RPS6KA2: variants seen among roughly 807,000 people sequenced by gnomAD.
The protein encoded by RPS6KA2 is ribosomal protein S6 kinase A2, also known as ribosomal protein S6 kinase alpha-2.
RPS6KA2 carries 42 observed loss-of-function variants against 91.8 expected under a neutral mutation model. The observed-to-expected ratio is 0.46, with a 90% CI of 0.36 to 0.59. The LOEUF is 0.59. RPS6KA2 is among the 20% of genes least tolerant of loss of function. The pLI is 0.00. For missense variants in RPS6KA2, 798 were observed against 978.5 expected (o/e 0.82, Z 2.46); for synonymous variants, 414 against 393.6 (o/e 1.05, Z -0.61).
intron 2 of RPS6KA2, among the ~76,000 whole-genome samples, chr6:166,792,545 CA>C (rs1210414675): frequency 1.3e-5 from 2 of 151,492 alleles, no homozygotes; most frequent in Non-Finnish European, 2.9e-5. Context: ...GGCAGAGACA[CA>C]ACAAAAAAAG....
chr6:166,787,975 CAAAAAA>C (rs3066794), intron 2 of RPS6KA2, among the ~76,000 whole-genome samples: 2 of 78,930 alleles, frequency 2.5e-5, no homozygotes, highest in Admixed American at 1.4e-4. Flanking sequence ...AACAAATTTA[CAAAAAA>C]AAAAAAAAAA....
At chr6:166,650,060 T>G (rs774223138) in intron 2 of RPS6KA2, among the ~76,000 whole-genome samples, 4 of 151,600 alleles carry the variant, frequency 2.6e-5, no homozygotes, top group Non-Finnish European at 5.9e-5. Context: ...GGGGTGACAT[T>G]AGGCTCTCAT....
intron 2 of RPS6KA2, among the ~76,000 whole-genome samples, chr6:166,854,629 T>C (rs1780838010): frequency 6.6e-6 from 1 of 152,228 alleles, no homozygotes; most frequent in African/African-American, 2.4e-5. Flanking sequence ...ATGTTCAGAC[T>C]GGCAAGAGGC....
rs1287667963 is a variant in RPS6KA2 at position 166,841,349 on chromosome 6, T to G, written c.123+16851A>C. 2.6e-5 allele frequency among the ~76,000 whole-genome samples: 4 copies of G among 152,262 alleles called. No homozygotes were observed. In the East Asian group the frequency reaches 7.7e-4, roughly 29 times the overall value. On this transcript the variant is annotated intron_variant, in intron 2 of 21. Transcript: ENST00000503859. The stretch of plus-strand genomic sequence containing the variant: ...TAAGAGTCAAGGCCATGTCTGCAGC[T>G]TCAGCGCTGACGCGTGCTTCTTGCC...
At chr6:166,507,424 AC>A (rs1342010086) in intron 5 of RPS6KA2, among the ~76,000 whole-genome samples, 7 of 150,112 alleles carry the variant, frequency 4.7e-5, no homozygotes, top group African/African-American at 1.7e-4. Context: ...CACCACACAT[AC>A]CACATACAGC....
intron 2 of RPS6KA2, among the ~76,000 whole-genome samples, chr6:166,745,805 T>C (rs544804273): frequency 1.3e-5 from 2 of 152,324 alleles, no homozygotes; most frequent in African/African-American, 4.8e-5. Flanking sequence ...CACAACTCCC[T>C]AGTGTGTCAT....
intron 2 of RPS6KA2, chr6:166,857,957 G>A (rs758104172): frequency 5.7e-6 from 3 of 524,490 alleles, no homozygotes; most frequent in South Asian, 2.9e-5. Flanking sequence ...ACTTTACCTC[G>A]ATGGACAGCC....
chr6:166,746,173 G>T (rs1161588870), intron 2 of RPS6KA2, among the ~76,000 whole-genome samples: 1 of 152,174 alleles, frequency 6.6e-6, no homozygotes, highest in Non-Finnish European at 1.5e-5. Context: ...CACCCAGCTG[G>T]AGTATGCAGG....
intron 2 of RPS6KA2, among the ~76,000 whole-genome samples, chr6:166,698,798 T>C (rs1395291439): frequency 1.3e-5 from 2 of 152,218 alleles, no homozygotes; most frequent in Non-Finnish European, 2.9e-5. Flanking sequence ...GCATCTGCAC[T>C]GTGGCTTTTT....
chr6:166,568,605 G>T (rs1784577456), intron 1 of RPS6KA2, among the ~76,000 whole-genome samples: 1 of 99,366 alleles, frequency 1.0e-5, no homozygotes, highest in Non-Finnish European at 1.9e-5. Flanking sequence ...CACAACAAGA[G>T]CAAAACTCCA....
intron 2 of RPS6KA2, among the ~76,000 whole-genome samples, chr6:166,647,807 T>TAC (rs1322319311): frequency 1.8e-5 from 2 of 109,148 alleles, no homozygotes; most frequent in Non-Finnish European, 4.1e-5. Flanking sequence ...CACACATACA[T>TAC]ACACACATGC....
At chr6:166,509,385 A>G (rs773553726) in intron 4 of RPS6KA2, 1 of 170,254 alleles carries the variant, frequency 5.9e-6, no homozygotes, top group East Asian at 1.9e-4. Flanking sequence ...GAGGGGGCAG[A>G]GTTTTGGAAA....
At chr6:166,798,667 G>T (rs1779284299) in intron 2 of RPS6KA2, among the ~76,000 whole-genome samples, 2 of 151,776 alleles carry the variant, frequency 1.3e-5, no homozygotes, top group African/African-American at 2.4e-5. Context: ...TATTTTTAAA[G>T]TAATTACTTA....
At chr6:166,817,785 C>T (rs1305490428) in intron 2 of RPS6KA2, among the ~76,000 whole-genome samples, 5 of 150,596 alleles carry the variant, frequency 3.3e-5, no homozygotes, top group South Asian at 2.1e-4. Flanking sequence ...TGCAGTGGTG[C>T]GATCTTGGCT....
In RPS6KA2 at chr6:166,450,179, C is replaced by G. The variant is rs533192744; in HGVS notation, c.1206+924G>C. 2.7e-5 allele frequency among the ~76,000 whole-genome samples: 4 copies of G among 147,646 alleles called. No homozygotes were observed. The East Asian group carries it at 8.2e-4, about 30-fold the overall frequency. On this transcript the variant is annotated intron_variant, in intron 13 of 20. Transcript: ENST00000265678. ...CCACCAGGGAGACCACCATGGGGAC[C>G]ACCACAACAGGGATCACCATGGGAG...
chr6:166,730,328 ATGAG>A (rs1291202468), intron 2 of RPS6KA2, among the ~76,000 whole-genome samples: 1 of 152,172 alleles, frequency 6.6e-6, no homozygotes, highest in African/African-American at 2.4e-5. Flanking sequence ...ATGGACATTT[ATGAG>A]TATGTTATTG....
In RPS6KA2 at chr6:166,500,831, C is replaced by T; in HGVS notation, c.604+56G>A. On this transcript the variant is annotated intron_variant, in intron 7 of 20. Transcript: ENST00000265678. The surrounding 1 kb of genome is among the most constrained non-coding windows in gnomAD (Gnocchi z 4.3). ...AGGGCTTGGGCTTTGAGGTGGTCCC[C>T]AAAGGTACCAGGGCTGAGATGAAGC... is the stretch of plus-strand genomic sequence containing the variant. 1 of 1,538,698 alleles carries T rather than the reference C, an allele frequency of 6.5e-7. No homozygotes were observed. The highest frequency in any genetic ancestry group is 1.1e-5 in the South Asian group (1 of 89,374).
chr6:166,540,027 A>G (rs890368722), intron 1 of RPS6KA2, among the ~76,000 whole-genome samples: 3 of 152,144 alleles, frequency 2.0e-5, no homozygotes, highest in Admixed American at 6.5e-5. Flanking sequence ...CTCATTCCTC[A>G]TTGCTTCTTT....
At chr6:166,759,429 T>A (rs961325905) in intron 2 of RPS6KA2, among the ~76,000 whole-genome samples, 2 of 152,270 alleles carry the variant, frequency 1.3e-5, no homozygotes, top group African/African-American at 4.8e-5. Flanking sequence ...AAAATGCCTC[T>A]GTCTTCCAAA....
Sources: allele counts gnomAD v4.1 joint callset (sites outside exome capture counted in the v4.1 genomes callset), GRCh38; gene constraint gnomAD v4.1.1; non-coding constraint Gnocchi (gnomAD v3.1); transcripts MANE v1.5; gene names NCBI Gene and HGNC (gene_info 2026-07-23, HGNC 2026-07-21).